The following FEZ1 variants were observed in gnomAD, a reference collection of about 807,000 sequenced individuals.
The protein encoded by FEZ1 is fasciculation and elongation protein zeta 1.
In FEZ1, 20 loss-of-function variants were observed where a neutral mutation model predicts 49.3. The observed-to-expected ratio is 0.41, with a 90% CI of 0.29 to 0.59. The LOEUF is 0.59. Among genes scored for constraint, FEZ1 ranks in the 20% least tolerant of loss-of-function variants. The pLI, the probability that FEZ1 is intolerant of heterozygous loss-of-function variation, is 0.36. For missense variants in FEZ1, 413 were observed against 476.0 expected (o/e 0.87, Z 1.23); for synonymous variants, 170 against 180.9 (o/e 0.94, Z 0.48).
At position 125,444,278 on chromosome 11, in the gene FEZ1, TTCTGC is replaced by T. The variant is rs1451006650; in HGVS notation, c.*1812_*1816del. On this transcript the variant is annotated 3_prime_UTR_variant, in exon 10 of 10. Coordinates refer to ENST00000278919, the MANE Select transcript of FEZ1 (RefSeq NM_005103.5). ...CCACCCCTAGCTAAGATTGCTAGTG[TTCTGC>T]TTCTGGAAAAGCAGAAGCCGAGCTA... Among the ~76,000 whole-genome samples, 3 of 152,282 alleles carry T rather than the reference TTCTGC, an allele frequency of 2.0e-5. No individual in the cohort carries two copies. In the East Asian group the frequency reaches 5.8e-4, roughly 29 times the overall value.
At position 125,495,064 on chromosome 11, in the gene FEZ1, G is replaced by C. The variant is rs552839210; in HGVS notation, c.-46+1057C>G. 2 of 332,750 alleles carry C rather than the reference G, an allele frequency of 6.0e-6. No homozygotes were observed. The highest frequency in any genetic ancestry group is 4.3e-5 in the African/African-American group (2 of 46,300). The allele number at this position is 332,750 out of a possible 1,614,324, so 20.6% of individuals were successfully genotyped here. On this transcript the variant is annotated intron_variant, in intron 1 of 9. Coordinates refer to ENST00000278919, the MANE Select transcript of FEZ1 (RefSeq NM_005103.5). This position sits in a 1 kb window ranked among gnomAD's most constrained non-coding sequence, Gnocchi z 4.2. ...CAGTGTGCATGTTTGTGCACATTTT[G>C]ACAGAAAAAGTATTTCGTTGCATAT...
At position 125,489,274 on chromosome 11, in the gene FEZ1, A is replaced by C; in HGVS notation, c.311+193T>G. 8.1e-7 allele frequency: 1 copy of C among 1,227,126 alleles called. No individual in the cohort carries two copies. The highest frequency in any genetic ancestry group is 4.0e-5 in the South Asian group (1 of 24,704). 76.0% of individuals were successfully genotyped at this position (1,227,126 alleles called of 1,614,324 possible). Reference sequence around the variant, plus strand: ...ATTCCTCTAAGGTTTCAATTTAAGAAAGTTCTCCTCAGGGGACTGTAAAGG... The same window carrying C: ...ATTCCTCTAAGGTTTCAATTTAAGACAGTTCTCCTCAGGGGACTGTAAAGG... On this transcript the variant is annotated intron_variant, in intron 2 of 9. Transcript: ENST00000278919. This position sits in a 1 kb window ranked among gnomAD's most constrained non-coding sequence, Gnocchi z 4.2.
At chr11:125,479,396 A>G (rs1957260162) in intron 3 of FEZ1, among the ~76,000 whole-genome samples, 2 of 152,210 alleles carry the variant, frequency 1.3e-5, no homozygotes, top group South Asian at 4.1e-4. Flanking sequence ...TCACTTGCTG[A>G]GCCTGCAGGG....
intron 3 of FEZ1, among the ~76,000 whole-genome samples, chr11:125,464,001 A>G (rs1957099878): frequency 6.6e-6 from 1 of 152,194 alleles, no homozygotes; most frequent in Admixed American, 6.5e-5. Context: ...TCGTCTTACT[A>G]GGCATTTTAA....
chr11:125,453,968 T>TATTC (rs1956982415), intron 7 of FEZ1, 162 bp downstream of exon 7: 1 of 410,336 alleles, frequency 2.4e-6, no homozygotes, highest in Non-Finnish European at 4.3e-6. Flanking sequence ...TTTAAAAAGA[T>TATTC]ATTCTCTGTT....
intron 4 of FEZ1, 166 bp downstream of exon 4, chr11:125,463,318 A>T (rs1348561197): frequency 1.9e-6 from 1 of 520,302 alleles, no homozygotes; most frequent in Non-Finnish European, 3.4e-6. Context: ...AAGTATATAT[A>T]TATAAAGAAA....
chr11:125,469,566 A>T (rs610031), intron 3 of FEZ1, among the ~76,000 whole-genome samples: 108,832 of 151,834 alleles, frequency 0.72, 39,252 homozygotes, highest in South Asian at 0.81. Context: ...CATTTTTTTT[A>T]AAATTAATGT....
rs747254353 is a variant in FEZ1, at chr11:125,456,110, C to G, written c.668-4G>C. Reference sequence around the variant, plus strand: ...GACCCAGACATGTGCCTCAGCCCTGCAGGGGAAGACCGTCTCCCGCATAAC... The same window carrying G: ...GACCCAGACATGTGCCTCAGCCCTGGAGGGGAAGACCGTCTCCCGCATAAC... On this transcript the variant is annotated splice_region_variant and splice_polypyrimidine_tract_variant and intron_variant, in intron 5 of 9. Coordinates refer to ENST00000278919, the MANE Select transcript of FEZ1 (RefSeq NM_005103.5). 57 of 1,577,366 alleles carry G rather than the reference C, an allele frequency of 3.6e-5. No homozygotes were observed. The Admixed American group carries it at 1.0e-3, about 29-fold the overall frequency.
intron 7 of FEZ1, 145 bp from the exon 8 acceptor site, chr11:125,452,554 T>G: frequency 1.7e-6 from 1 of 598,042 alleles, no homozygotes; most frequent in East Asian, 2.9e-5. Context: ...GTTTCAGAAC[T>G]TCTTACCCCT....
intron 2 of FEZ1, chr11:125,488,688 AC>A: frequency 2.0e-6 from 2 of 981,138 alleles, no homozygotes; most frequent in Non-Finnish European, 2.4e-6. Context: ...TCAAAAAAAA[AC>A]AAAACAAAAC....
chr11:125,448,684 T>G (rs983276124), intron 8 of FEZ1, 117 bp from the exon 9 acceptor site: 1 of 717,556 alleles, frequency 1.4e-6, no homozygotes, highest in Admixed American at 2.2e-5. Flanking sequence ...AACCAGACAT[T>G]TATTGAGTAT....
intron 9 of FEZ1, among the ~76,000 whole-genome samples, chr11:125,447,095 G>C (rs916905953): frequency 1.3e-5 from 2 of 152,090 alleles, no homozygotes; most frequent in Non-Finnish European, 2.9e-5. Context: ...AATCCTCAAG[G>C]ACTATTAACA....
intron 8 of FEZ1, among the ~76,000 whole-genome samples, chr11:125,452,049 C>G (rs1017117760): frequency 6.6e-6 from 1 of 152,162 alleles, no homozygotes; most frequent in African/African-American, 2.4e-5. Flanking sequence ...AACAAAAAGT[C>G]CCCTGCACCA....
chr11:125,447,418 T>C (rs1447550951), intron 9 of FEZ1, among the ~76,000 whole-genome samples: 1 of 152,188 alleles, frequency 6.6e-6, no homozygotes, highest in Non-Finnish European at 1.5e-5. Context: ...GTAAGAGACA[T>C]ATTATTATCT....
At position 125,495,962 on chromosome 11, in the gene FEZ1, G is replaced by A. The variant is rs1957465810; in HGVS notation, c.-46+159C>T. ...CTGGGCAGGAAGGCGACGGCCTCCC[G>A]TTGTTCCTTTCTAATCCCAGAATGG... On this transcript the variant is annotated intron_variant, in intron 1 of 9. Coordinates refer to ENST00000278919, the MANE Select transcript of FEZ1 (RefSeq NM_005103.5). This position sits in a 1 kb window ranked among gnomAD's most constrained non-coding sequence, Gnocchi z 4.2. 4.2e-6 allele frequency: 1 copy of A among 236,752 alleles called. No homozygotes were observed. The highest frequency in any genetic ancestry group is 8.3e-6 in the Non-Finnish European group (1 of 120,614). The allele number at this position is 236,752 out of a possible 1,614,324, so 14.7% of individuals were successfully genotyped here.
chr11:125,464,396 G>A (rs1453409890), intron 3 of FEZ1, among the ~76,000 whole-genome samples: 1 of 152,218 alleles, frequency 6.6e-6, no homozygotes, highest in Non-Finnish European at 1.5e-5. Flanking sequence ...CACCTAACAA[G>A]CTGTATGTCT....
intron 2 of FEZ1, among the ~76,000 whole-genome samples, chr11:125,485,236 A>G (rs1426901087): frequency 2.0e-5 from 3 of 152,186 alleles, no homozygotes; most frequent in Admixed American, 6.5e-5. Context: ...TTTCAGGTGC[A>G]TATTTTATAG....
intron 6 of FEZ1, among the ~76,000 whole-genome samples, chr11:125,455,016 C>CAAA (rs542942487): frequency 1.8e-5 from 1 of 54,848 alleles, no homozygotes; most frequent in Non-Finnish European, 3.9e-5. Context: ...TCCATCTCAC[C>CAAA]AAAAAAAAAA....
intron 1 of FEZ1, among the ~76,000 whole-genome samples, chr11:125,493,042 G>T (rs982507901): frequency 3.3e-5 from 5 of 151,508 alleles, no homozygotes; most frequent in African/African-American, 1.2e-4. Flanking sequence ...AATGTGATGT[G>T]GGGGCTGGGC....
Sources: gnomAD v4.1 joint callset for allele counts (sites outside exome capture counted in the v4.1 genomes callset) on GRCh38, gnomAD v4.1.1 for gene constraint, Gnocchi (gnomAD v3.1) non-coding constraint, MANE v1.5 for transcripts, NCBI Gene and HGNC (gene_info 2026-07-23, HGNC 2026-07-21) for gene names.